The following POC5 variants were observed in gnomAD, a reference collection of about 807,000 sequenced individuals.
POC5 encodes the protein centrosomal protein POC5.
POC5 carries 48 observed loss-of-function variants against 62.9 expected under a neutral mutation model. The ratio of observed to expected loss-of-function variants is 0.76; its 90% CI spans 0.61 to 0.97. POC5 has a LOEUF of 0.97. Among genes scored for constraint, POC5 ranks in the 50% least tolerant of loss-of-function variants. POC5 has a pLI of 0.00. For missense variants in POC5, 696 were observed against 679.5 expected, an observed-to-expected ratio of 1.02 and a Z score of -0.27; for synonymous variants, 236 against 228.2, an observed-to-expected ratio of 1.03 and a Z score of -0.31.
intron 2 of POC5, among the ~76,000 whole-genome samples, chr5:75,711,456 C>T (rs570898509): frequency 1.2e-4 from 18 of 151,996 alleles, no homozygotes; most frequent in South Asian, 2.1e-4. Context: ...ATGAAGCATT[C>T]GCATAAAAAG....
intron 5 of POC5, among the ~76,000 whole-genome samples, 189 bp from the exon 6 acceptor site, chr5:75,695,020 A>C (rs1309112590): frequency 1.3e-5 from 2 of 152,370 alleles, no homozygotes; most frequent in East Asian, 3.9e-4. Flanking sequence ...GTTCACATTC[A>C]TCATACTAGG....
chr5:75,700,250 C>T (rs774440258), intron 5 of POC5, among the ~76,000 whole-genome samples: 7,275 of 151,422 alleles, frequency 0.048, 557 homozygotes, highest in African/African-American at 0.17. Context: ...AAAAAGAGCC[C>T]GCATCACCAA....
At chr5:75,710,621 C>T (rs1331168729) in intron 2 of POC5, among the ~76,000 whole-genome samples, 3 of 152,132 alleles carry the variant, frequency 2.0e-5, no homozygotes, top group African/African-American at 7.2e-5. Context: ...AGAAACTGAC[C>T]CTTTTGGGCT....
At chr5:75,695,270 C>T (rs1294716700) in intron 5 of POC5, among the ~76,000 whole-genome samples, 6 of 152,112 alleles carry the variant, frequency 3.9e-5, no homozygotes, top group African/African-American at 1.2e-4. Flanking sequence ...CTTGTTTTCC[C>T]AAGCCATTTA....
At chr5:75,681,810 T>A (rs1438409632) in intron 10 of POC5, among the ~76,000 whole-genome samples, 2 of 152,074 alleles carry the variant, frequency 1.3e-5, no homozygotes, top group Non-Finnish European at 2.9e-5. Context: ...GTGATTAAAA[T>A]GACAAGAAAG....
At chr5:75,687,445 T>G (rs1314676070) in intron 9 of POC5, among the ~76,000 whole-genome samples, 1 of 152,160 alleles carries the variant, frequency 6.6e-6, no homozygotes, top group Non-Finnish European at 1.5e-5. Flanking sequence ...ACAAAGCAGA[T>G]CCACTGAATT....
chr5:75,700,339 C>T (rs1232313252), intron 5 of POC5, among the ~76,000 whole-genome samples: 2 of 151,134 alleles, frequency 1.3e-5, no homozygotes, highest in Admixed American at 6.6e-5. Flanking sequence ...CTACAGTAAC[C>T]AAAACAGCAT....
intron 9 of POC5, 139 bp downstream of exon 9, chr5:75,688,873 C>T (rs1164021004): frequency 2.3e-6 from 2 of 852,692 alleles, no homozygotes; most frequent in African/African-American, 1.7e-5. Context: ...CTGGATATGA[C>T]ACCATAGAAT....
intron 10 of POC5, among the ~76,000 whole-genome samples, chr5:75,679,832 T>C (rs879336968): frequency 6.6e-6 from 1 of 152,098 alleles, no homozygotes; most frequent in Non-Finnish European, 1.5e-5. Flanking sequence ...TAACAGATAA[T>C]GTTTGAAATT....
intron 3 of POC5, among the ~76,000 whole-genome samples, chr5:75,707,215 A>G (rs1345982911): frequency 1.3e-5 from 2 of 152,206 alleles, no homozygotes; most frequent in Non-Finnish European, 2.9e-5. Flanking sequence ...TCATCTATCA[A>G]CACACATCCT....
At chr5:75,716,386 G>GT (rs1742562560) in intron 1 of POC5, among the ~76,000 whole-genome samples, 1 of 53,416 alleles carries the variant, frequency 1.9e-5, no homozygotes, top group Admixed American at 2.5e-4. Context: ...ACAGGGGTGG[G>GT]GGGGGGGGGG....
chr5:75,715,267 G>A (rs1012186911), intron 1 of POC5, among the ~76,000 whole-genome samples: 4 of 141,974 alleles, frequency 2.8e-5, no homozygotes, highest in Non-Finnish European at 6.0e-5. Context: ...CCAAGATCGC[G>A]CCGCTGCACT....
At chr5:75,684,087 T>C (rs1775983289) in intron 10 of POC5, among the ~76,000 whole-genome samples, 1 of 152,144 alleles carries the variant, frequency 6.6e-6, no homozygotes, top group African/African-American at 2.4e-5. Context: ...ACTATCCTCT[T>C]GGCACTTCTC....
At chr5:75,714,858 C>T (rs182617622) in intron 1 of POC5, among the ~76,000 whole-genome samples, 4 of 152,102 alleles carry the variant, frequency 2.6e-5, no homozygotes, top group Non-Finnish European at 5.9e-5. Context: ...ATTGTGGGAG[C>T]GCCGCACTGG....
chr5:75,693,008 TTATAGTTATATA>T (rs1269720142), intron 6 of POC5, among the ~76,000 whole-genome samples: 2 of 146,524 alleles, frequency 1.4e-5, no homozygotes, highest in African/African-American at 5.1e-5. Context: ...TATTAATATG[TTATAGTTATATA>T]TATAACTATA....
chr5:75,690,516 A>C lies in POC5; in HGVS notation c.842T>G (p.Leu281Arg), dbSNP rs1343040457. 1 of 1,602,184 alleles carries C rather than the reference A, an allele frequency of 6.2e-7. No individual in the cohort carries two copies. The highest frequency in any genetic ancestry group is 8.5e-7 in the Non-Finnish European group (1 of 1,173,364). Residue 281 changes from leucine (L) to arginine (R), a missense_variant, in exon 8 of 12, where the codon CTG (leucine) becomes CGG (arginine). Physicochemically the swap from Leu to Arg is moderately radical, Grantham distance 102. Coordinates refer to ENST00000428202, the MANE Select transcript of POC5 (RefSeq NM_001099271.2). ...LADQYYQRTL[L>R]KKVWKVWRSV... The stretch of plus-strand genomic sequence containing the variant: ...ACGCCAGACTTTCCAGACTTTCTTC[A>C]GTAAAGTTCTCTGGTAGTACTGGTC...
At chr5:75,714,392 G>A (rs2112222568) in intron 1 of POC5, among the ~76,000 whole-genome samples, 1 of 152,200 alleles carries the variant, frequency 6.6e-6, no homozygotes, top group East Asian at 1.9e-4. Flanking sequence ...AAAAAAGAGA[G>A]AGAGATCAAT....
At chr5:75,684,521 C>A (rs544585725) in intron 10 of POC5, among the ~76,000 whole-genome samples, 1 of 152,030 alleles carries the variant, frequency 6.6e-6, no homozygotes. Flanking sequence ...CACACCACCA[C>A]GCTCGGCTAA....
At chr5:75,705,000 G>A (rs1777059521) in intron 4 of POC5, among the ~76,000 whole-genome samples, 1 of 152,140 alleles carries the variant, frequency 6.6e-6, no homozygotes, top group East Asian at 1.9e-4. Context: ...AGGAGTTTGA[G>A]ACCAGCCTGG....
Sources: allele counts gnomAD v4.1 joint callset (sites outside exome capture counted in the v4.1 genomes callset), GRCh38; gene constraint gnomAD v4.1.1; transcripts MANE v1.5; gene names NCBI Gene and HGNC (gene_info 2026-07-23, HGNC 2026-07-21).